RGS6: variants seen among roughly 807,000 people sequenced by gnomAD.
RGS6 encodes the protein regulator of G protein signaling 6, also known as regulator of G-protein signaling 6.
RGS6 carries 30 observed loss-of-function variants against 78.5 expected under a neutral mutation model. The observed-to-expected ratio is 0.38, with a 90% CI of 0.29 to 0.52. RGS6 has a LOEUF of 0.52. Among genes scored for constraint, RGS6 ranks in the 20% least tolerant of loss-of-function variants. The pLI is 0.85. For missense variants in RGS6, 495 were observed against 609.7 expected (o/e 0.81, Z 1.98); for synonymous variants, 206 against 206.0 (o/e 1.00, Z 0.00).
At chr14:71,996,331 A>T (rs1345734242) in intron 2 of RGS6, among the ~76,000 whole-genome samples, 1 of 152,206 alleles carries the variant, frequency 6.6e-6, no homozygotes, top group East Asian at 1.9e-4. Context: ...TGTTAAGTAA[A>T]TGGAGCATTA....
intron 2 of RGS6, among the ~76,000 whole-genome samples, chr14:72,264,751 G>T (rs921814444): frequency 1.3e-5 from 2 of 152,212 alleles, no homozygotes; most frequent in African/African-American, 4.8e-5. Context: ...GCAATCCTGG[G>T]TCTCTCCCAG....
At chr14:72,425,814 G>C (rs183628688) in intron 3 of RGS6, among the ~76,000 whole-genome samples, 2 of 152,120 alleles carry the variant, frequency 1.3e-5, no homozygotes, top group Non-Finnish European at 2.9e-5. Context: ...ATTATAGGAG[G>C]CATAAAAAGT....
intron 2 of RGS6, among the ~76,000 whole-genome samples, chr14:72,328,226 A>G (rs1368492433): frequency 6.6e-6 from 1 of 152,174 alleles, no homozygotes; most frequent in Non-Finnish European, 1.5e-5. Flanking sequence ...ACTGATTCAA[A>G]TGCTGTTCTC....
intron 3 of RGS6, among the ~76,000 whole-genome samples, chr14:72,383,174 G>GTATATA (rs1263107660): frequency 4.9e-4 from 12 of 24,520 alleles, no homozygotes; most frequent in African/African-American, 2.3e-4. Context: ...TGAAAAAATT[G>GTATATA]TACATATATA....
chr14:72,613,219 G>A, the RGS6 span, among the ~76,000 whole-genome samples: 1 of 152,148 alleles, frequency 6.6e-6, no homozygotes, highest in African/African-American at 2.4e-5. Context: ...GGCCCCAGGG[G>A]CTCACAGGCC....
chr14:72,584,553 G>A, the RGS6 span, among the ~76,000 whole-genome samples: 1 of 152,302 alleles, frequency 6.6e-6, no homozygotes, highest in Non-Finnish European at 1.5e-5. Flanking sequence ...CAGGGGTTGG[G>A]AGAAGAGCCA....
chr14:72,316,857 T>A (rs1372080466), intron 2 of RGS6, among the ~76,000 whole-genome samples: 1 of 151,792 alleles, frequency 6.6e-6, no homozygotes, highest in Non-Finnish European at 1.5e-5. Flanking sequence ...TACTAGCTTA[T>A]AAACTGTTCC....
chr14:72,433,113 G>A (rs911295705), intron 3 of RGS6, among the ~76,000 whole-genome samples: 1 of 152,134 alleles, frequency 6.6e-6, no homozygotes, highest in Non-Finnish European at 1.5e-5. Context: ...GTTGAGACAC[G>A]GTCAGAAATG....
At chr14:71,886,927 G>A in the RGS6 span, among the ~76,000 whole-genome samples, 3 of 152,146 alleles carry the variant, frequency 2.0e-5, no homozygotes, top group Admixed American at 1.3e-4. Context: ...CGAGGCGGGT[G>A]GATCACGAGG....
At chr14:72,301,517 A>G (rs1368397915) in intron 2 of RGS6, among the ~76,000 whole-genome samples, 1 of 152,056 alleles carries the variant, frequency 6.6e-6, no homozygotes, top group South Asian at 2.1e-4. Flanking sequence ...CTCACCACAT[A>G]GGAAACTATC....
intron 12 of RGS6, among the ~76,000 whole-genome samples, chr14:72,489,783 G>A (rs561876419): frequency 1.9e-4 from 29 of 152,274 alleles, no homozygotes; most frequent in Non-Finnish European, 1.9e-4. Context: ...TAGAGCCTTC[G>A]GAGGGAGGAT....
chr14:71,907,020 A>C, the RGS6 span, among the ~76,000 whole-genome samples: 4 of 152,212 alleles, frequency 2.6e-5, no homozygotes, highest in Admixed American at 2.6e-4. Flanking sequence ...CTGTAAGAAA[A>C]GGGAGGCTTG....
At chr14:71,963,540 A>G (rs947134429) in intron 1 of RGS6, among the ~76,000 whole-genome samples, 3 of 151,860 alleles carry the variant, frequency 2.0e-5, no homozygotes, top group African/African-American at 4.8e-5. Flanking sequence ...GCAGCTACCA[A>G]TCTGTTTCTT....
At chr14:72,313,148 C>A (rs941986506) in intron 2 of RGS6, among the ~76,000 whole-genome samples, 1 of 152,164 alleles carries the variant, frequency 6.6e-6, no homozygotes, top group Non-Finnish European at 1.5e-5. Context: ...TTGGGGATAG[C>A]GTCCTACCAT....
At chr14:72,396,641 T>A (rs1422854620) in intron 3 of RGS6, among the ~76,000 whole-genome samples, 1 of 152,186 alleles carries the variant, frequency 6.6e-6, no homozygotes, top group Non-Finnish European at 1.5e-5. Flanking sequence ...CTGAATGGTA[T>A]TGCCTAGGTT....
intron 15 of RGS6, among the ~76,000 whole-genome samples, chr14:72,519,620 C>T (rs1382498216): frequency 2.6e-5 from 4 of 152,230 alleles, no homozygotes; most frequent in South Asian, 2.1e-4. Context: ...CCCCTGGTCA[C>T]GAGCTCCATC....
intron 2 of RGS6, among the ~76,000 whole-genome samples, chr14:71,978,770 G>A (rs1480642793): frequency 1.3e-5 from 2 of 152,106 alleles, no homozygotes; most frequent in Non-Finnish European, 2.9e-5. Flanking sequence ...GGGTGACGCT[G>A]GCCTCATAAA....
intron 2 of RGS6, among the ~76,000 whole-genome samples, chr14:72,245,813 A>G (rs2054084089): frequency 6.6e-6 from 1 of 152,234 alleles, no homozygotes; most frequent in African/African-American, 2.4e-5. Context: ...GTGGAGAGTC[A>G]TGGAGAAATG....
intron 2 of RGS6, among the ~76,000 whole-genome samples, chr14:72,045,796 G>A (rs1750974972): frequency 6.6e-6 from 1 of 151,922 alleles, no homozygotes; most frequent in African/African-American, 2.4e-5. Flanking sequence ...ATAAGGCTCT[G>A]GTAAAGTCTT....
Sources: allele counts gnomAD v4.1 joint callset (sites outside exome capture counted in the v4.1 genomes callset), GRCh38; gene constraint gnomAD v4.1.1; transcripts MANE v1.5; gene names NCBI Gene and HGNC (gene_info 2026-07-23, HGNC 2026-07-21).